THSD4: variants seen among roughly 807,000 people sequenced by gnomAD.
THSD4 encodes thrombospondin type 1 domain containing 4, also known as thrombospondin type-1 domain-containing protein 4.
Under a neutral mutation model 119.0 loss-of-function variants are expected in THSD4, and 69 were observed. The ratio of observed to expected loss-of-function variants is 0.58; its 90% CI spans 0.48 to 0.71. The LOEUF (loss-of-function observed/expected upper bound fraction) is 0.71. THSD4 is among the 30% of genes least tolerant of loss of function. THSD4 has a pLI of 0.00. For missense variants in THSD4, 1,393 were observed against 1,391.1 expected (o/e 1.00, Z -0.02); for synonymous variants, 524 against 540.4 (o/e 0.97, Z 0.42).
At position 71,771,226 on chromosome 15, in the gene THSD4, T is replaced by C. The variant is rs561172320; in HGVS notation, c.2914+18T>C. 1.2e-6 allele frequency: 2 copies of C among 1,612,606 alleles called. No homozygotes were observed. The highest frequency in any genetic ancestry group is 4.5e-5 in the East Asian group (2 of 44,870). ...TGAAGTTGGTAAGTAGAGATTTCAA[T>C]CATGGGGGAAAGGTTTGTGTTTTTT... On this transcript the variant is annotated intron_variant, in intron 17 of 17. Coordinates refer to ENST00000261862, the MANE Select transcript of THSD4 (RefSeq NM_024817.3).
intron 7 of THSD4, among the ~76,000 whole-genome samples, chr15:71,633,595 A>G (rs2050680518): frequency 6.6e-6 from 1 of 152,192 alleles, no homozygotes; most frequent in South Asian, 2.1e-4. Flanking sequence ...TTTCTTTTGA[A>G]GGGACAAATT....
chr15:71,608,249 TACACAC>T lies in THSD4; in HGVS notation c.1153-52252_1153-52247del, dbSNP rs55892951. Among the ~76,000 whole-genome samples, 258 of 106,212 alleles carry T rather than the reference TACACAC, an allele frequency of 2.4e-3. 1 individual carries two copies. The highest frequency in any genetic ancestry group is 6.3e-3 in the African/African-American group (171 of 27,244). 69.7% of individuals were successfully genotyped at this position (106,212 alleles called of 152,430 possible). ...AAAAAAAAAAAAAAATATATATATA[TACACAC>T]ACACACACACACACACACACACACA... On this transcript the variant is annotated intron_variant, in intron 7 of 17. Transcript: ENST00000261862.
At chr15:71,746,205 T>C (rs2053332919) in intron 12 of THSD4, among the ~76,000 whole-genome samples, 2 of 152,136 alleles carry the variant, frequency 1.3e-5, no homozygotes, top group South Asian at 4.1e-4. Context: ...GTTAATGATC[T>C]ACAGTGTAAT....
intron 2 of THSD4, among the ~76,000 whole-genome samples, chr15:71,142,907 A>G (rs2040618983): frequency 6.6e-6 from 1 of 152,246 alleles, no homozygotes. Flanking sequence ...ATAGCATATT[A>G]CATATGATGG....
chr15:71,190,243 C>T (rs1255912847), intron 3 of THSD4, among the ~76,000 whole-genome samples: 2 of 152,158 alleles, frequency 1.3e-5, no homozygotes, highest in East Asian at 1.9e-4. Context: ...ACATTCTAAC[C>T]GACACTTCCA....
rs1567151072 is a variant in THSD4, at chr15:71,780,700, GC to G, written c.*3327del. 2.2e-6 allele frequency: 1 copy of G among 456,610 alleles called. No homozygotes were observed. Among genetic ancestry groups the G allele is most frequent in the South Asian group, 1.5e-5 (1 of 64,556 alleles). The allele number at this position is 456,610 out of a possible 1,614,324, so 28.3% of individuals were successfully genotyped here. ...AACTAGAACATGACAAGAATTCTCC[GC>G]ACTGTGCCTACCTGTCCCTTTACCT... is the stretch of plus-strand genomic sequence containing the variant. On this transcript the variant is annotated 3_prime_UTR_variant, in exon 18 of 18. Coordinates refer to ENST00000261862, the MANE Select transcript of THSD4 (RefSeq NM_024817.3).
chr15:71,663,070 G>A (rs1003676411), intron 8 of THSD4, among the ~76,000 whole-genome samples: 2 of 152,024 alleles, frequency 1.3e-5, no homozygotes, highest in Non-Finnish European at 2.9e-5. Flanking sequence ...GCAACATCAA[G>A]TGAGACCCCA....
chr15:71,374,343 G>T (rs775605338), intron 6 of THSD4, among the ~76,000 whole-genome samples: 3 of 152,200 alleles, frequency 2.0e-5, no homozygotes, highest in African/African-American at 7.2e-5. Context: ...GCATCAGGGT[G>T]TGCTATCTTC....
chr15:71,130,838 G>A (rs1209965925), intron 1 of THSD4, among the ~76,000 whole-genome samples: 2 of 152,140 alleles, frequency 1.3e-5, no homozygotes, highest in Admixed American at 6.5e-5. Context: ...TCCGCCTCCC[G>A]GGTTCACGCC....
In THSD4 at chr15:71,421,320, CT is replaced by C. The variant is rs1337952177; in HGVS notation, c.1152+9498del. Among the ~76,000 whole-genome samples the C allele has an allele frequency of 7.5e-4, 71 of 94,966 alleles. 1 individual carries two copies. In the Admixed American group the frequency reaches 7.9e-3, roughly 11 times the overall value. 62.3% of individuals were successfully genotyped at this position (94,966 alleles called of 152,430 possible). On this transcript the variant is annotated intron_variant, in intron 7 of 17. Coordinates refer to ENST00000261862, the MANE Select transcript of THSD4 (RefSeq NM_024817.3). ...ACATCATTTTCTTTCTAGTCTCTTTCTACTCCCTTTAGTATTTCTTGTAGGA... is the reference window on the plus strand; with the variant it reads ...ACATCATTTTCTTTCTAGTCTCTTTCACTCCCTTTAGTATTTCTTGTAGGA...
intron 7 of THSD4, among the ~76,000 whole-genome samples, chr15:71,629,344 A>T (rs567053654): frequency 6.6e-6 from 1 of 152,294 alleles, no homozygotes; most frequent in East Asian, 1.9e-4. Flanking sequence ...CAGGGCGGCC[A>T]GACAGTAGAG....
chr15:71,490,081 A>G (rs2047890262), intron 7 of THSD4, among the ~76,000 whole-genome samples: 1 of 152,156 alleles, frequency 6.6e-6, no homozygotes, highest in Non-Finnish European at 1.5e-5. Context: ...TAATGTTTAC[A>G]TAAAATATTT....
chr15:71,564,635 TGTATATTATAACATATAATACAATATATA>T (rs2049188405), intron 7 of THSD4, among the ~76,000 whole-genome samples: 2 of 131,514 alleles, frequency 1.5e-5, no homozygotes, highest in African/African-American at 2.9e-5. Context: ...CAATATATAT[TGTATATTATAACATATAATACAATATATA>T]GTATATTATA....
intron 3 of THSD4, among the ~76,000 whole-genome samples, chr15:71,201,730 T>C (rs1596266470): frequency 6.6e-6 from 1 of 152,342 alleles, no homozygotes; most frequent in East Asian, 1.9e-4. Flanking sequence ...CTGTAAGCTG[T>C]TGGCTCTGAG....
intron 7 of THSD4, among the ~76,000 whole-genome samples, chr15:71,507,118 C>T (rs903372783): frequency 6.6e-6 from 1 of 152,184 alleles, no homozygotes; most frequent in Non-Finnish European, 1.5e-5. Flanking sequence ...CTCGGGCTGC[C>T]CCCAGGGGAG....
chr15:71,229,938 A>C (rs1218435594), intron 4 of THSD4, among the ~76,000 whole-genome samples: 1 of 152,260 alleles, frequency 6.6e-6, no homozygotes, highest in African/African-American at 2.4e-5. Flanking sequence ...AACATCCAGC[A>C]TATGAGAGAA....
At chr15:71,625,196 T>C (rs1233448971) in intron 7 of THSD4, among the ~76,000 whole-genome samples, 1 of 152,112 alleles carries the variant, frequency 6.6e-6, no homozygotes, top group Non-Finnish European at 1.5e-5. Flanking sequence ...TTAGTAGAGA[T>C]GGGGTTTCAC....
intron 7 of THSD4, among the ~76,000 whole-genome samples, chr15:71,451,819 C>T (rs924183473): frequency 7.9e-5 from 12 of 152,148 alleles, no homozygotes; most frequent in Admixed American, 2.0e-4. Context: ...GCATACACAG[C>T]GTTTTGGTCC....
intron 6 of THSD4, among the ~76,000 whole-genome samples, chr15:71,356,842 C>G (rs899738700): frequency 2.6e-5 from 4 of 152,110 alleles, no homozygotes; most frequent in African/African-American, 9.7e-5. Context: ...ACTCACAGCC[C>G]CTTCTCTACA....
Sources: gnomAD v4.1 joint callset for allele counts (sites outside exome capture counted in the v4.1 genomes callset) on GRCh38, gnomAD v4.1.1 for gene constraint, MANE v1.5 for transcripts, NCBI Gene and HGNC (gene_info 2026-07-23, HGNC 2026-07-21) for gene names.